The following ARNT2 variants were observed in gnomAD, a reference collection of about 807,000 sequenced individuals.
The protein encoded by ARNT2 is aryl hydrocarbon receptor nuclear translocator 2.
A neutral mutation model predicts 91.7 loss-of-function variants in ARNT2; 36 were observed. The observed-to-expected ratio is 0.39, with a 90% confidence interval of 0.30 to 0.52. The LOEUF is 0.52. ARNT2 is among the 20% of genes least tolerant of loss of function. The pLI is 0.72. For missense variants in ARNT2, 775 were observed against 939.3 expected (o/e 0.83, Z 2.29); for synonymous variants, 365 against 347.1 (o/e 1.05, Z -0.57).
intron 12 of ARNT2, among the ~76,000 whole-genome samples, chr15:80,566,406 A>G (rs1219209642): frequency 6.6e-6 from 1 of 152,092 alleles, no homozygotes; most frequent in Non-Finnish European, 1.5e-5. Context: ...TCCTCCTTCC[A>G]GGGCCAAACT....
intron 1 of ARNT2, among the ~76,000 whole-genome samples, chr15:80,428,929 G>A (rs4778790): frequency 0.48 from 72,578 of 151,950 alleles, 17,997 homozygotes; most frequent in Non-Finnish European, 0.57. Flanking sequence ...AAAGATATAC[G>A]ATCGATCTGA....
At chr15:80,456,890 C>T (rs184238823) in intron 2 of ARNT2, among the ~76,000 whole-genome samples, 40 of 151,344 alleles carry the variant, frequency 2.6e-4, no homozygotes, top group African/African-American at 9.4e-4. Flanking sequence ...GGCAGGCTGG[C>T]CTTCCTTCTC....
chr15:80,501,665 C>T (rs1247478945), intron 5 of ARNT2, among the ~76,000 whole-genome samples: 4 of 152,212 alleles, frequency 2.6e-5, no homozygotes, highest in Admixed American at 2.6e-4. Flanking sequence ...GGAGACCCTC[C>T]CTGCCTGCGG....
intron 1 of ARNT2, among the ~76,000 whole-genome samples, chr15:80,448,909 C>G (rs967045795): frequency 6.6e-6 from 1 of 152,096 alleles, no homozygotes; most frequent in Non-Finnish European, 1.5e-5. Context: ...GGCGTGAACC[C>G]GGGAGGTGGA....
intron 1 of ARNT2, among the ~76,000 whole-genome samples, chr15:80,421,389 A>G (rs1895858560): frequency 8.3e-6 from 1 of 120,816 alleles, no homozygotes; most frequent in South Asian, 3.5e-4. Context: ...CCCTAAAGCT[A>G]TTGAAATAGA....
intron 5 of ARNT2, among the ~76,000 whole-genome samples, chr15:80,493,421 G>A (rs150776359): frequency 2.1e-3 from 314 of 152,306 alleles, no homozygotes; most frequent in African/African-American, 7.3e-3. Flanking sequence ...AGCTGCAGCC[G>A]AGGCAGCCCT....
chr15:80,556,295 A>G (rs1330640691), intron 11 of ARNT2: 1 of 152,166 alleles, frequency 6.6e-6, no homozygotes, highest in Admixed American at 6.5e-5. Flanking sequence ...ATAAATAAAG[A>G]AAGAAAAATA....
intron 8 of ARNT2, among the ~76,000 whole-genome samples, chr15:80,514,889 A>AAAAC (rs1042629900): frequency 2.6e-5 from 4 of 152,186 alleles, no homozygotes; most frequent in African/African-American, 4.8e-5. Context: ...CCATCTCAAA[A>AAAAC]AAACAAACAA....
intron 1 of ARNT2, among the ~76,000 whole-genome samples, chr15:80,439,243 A>T (rs1443463760): frequency 6.6e-6 from 1 of 152,210 alleles, no homozygotes; most frequent in Non-Finnish European, 1.5e-5. Context: ...CAATAAGTTC[A>T]TGTGGCATGG....
chr15:80,466,768 A>G (rs1446611107), intron 3 of ARNT2, among the ~76,000 whole-genome samples: 1 of 152,272 alleles, frequency 6.6e-6, no homozygotes. Context: ...TCATTTTGAC[A>G]TTCTGCTGGT....
chr15:80,476,339 C>T (rs983883011), intron 5 of ARNT2, among the ~76,000 whole-genome samples: 61 of 152,198 alleles, frequency 4.0e-4, no homozygotes, highest in African/African-American at 1.3e-3. Context: ...TGGCCCGGTT[C>T]AGCTAGGCAC....
At chr15:80,515,134 G>A (rs780302095) in intron 8 of ARNT2, among the ~76,000 whole-genome samples, 10 of 152,218 alleles carry the variant, frequency 6.6e-5, no homozygotes, top group Non-Finnish European at 1.2e-4. Flanking sequence ...AGAATGTGGA[G>A]CAACTGGAAT....
intron 8 of ARNT2, among the ~76,000 whole-genome samples, chr15:80,524,282 C>G (rs193098177): frequency 6.6e-6 from 1 of 152,168 alleles, no homozygotes; most frequent in African/African-American, 2.4e-5. Flanking sequence ...AAAATGGACA[C>G]TTTATGTACT....
Position 80,451,001 on chromosome 15 carries a change from G to C in ARNT2, c.146+7G>C. 6.2e-7 allele frequency: 1 copy of C among 1,611,410 alleles called. No individual in the cohort carries two copies. Among genetic ancestry groups the C allele is most frequent in the Non-Finnish European group, 8.5e-7 (1 of 1,178,422 alleles). ...GAGGAAAGCGGCGTTCCGGGTAAGCGACCTCAGCGTTTCCAGGAATTGGCT... is the reference window on the plus strand; with the variant it reads ...GAGGAAAGCGGCGTTCCGGGTAAGCCACCTCAGCGTTTCCAGGAATTGGCT... On this transcript the variant is annotated splice_region_variant and intron_variant, in intron 2 of 18. Coordinates refer to ENST00000303329, the MANE Select transcript of ARNT2 (RefSeq NM_014862.4).
At chr15:80,444,090 G>T (rs1418501065) in intron 1 of ARNT2, among the ~76,000 whole-genome samples, 3 of 152,180 alleles carry the variant, frequency 2.0e-5, no homozygotes, top group African/African-American at 7.2e-5. Flanking sequence ...ATCGAGGTGA[G>T]GGTCCTGTTC....
At chr15:80,497,690 G>A (rs1000223336) in intron 5 of ARNT2, among the ~76,000 whole-genome samples, 2 of 152,232 alleles carry the variant, frequency 1.3e-5, no homozygotes, top group African/African-American at 4.8e-5. Flanking sequence ...CTGTGCTGCA[G>A]GAGAGCTGAG....
At chr15:80,548,778 C>CCTTTTTT (rs1898031607) in intron 8 of ARNT2, among the ~76,000 whole-genome samples, 1 of 152,068 alleles carries the variant, frequency 6.6e-6, no homozygotes, top group Non-Finnish European at 1.5e-5. Context: ...GAGAAAACAT[C>CCTTTTTT]CTTTGTTCTT....
At chr15:80,493,684 C>T (rs1897086585) in intron 5 of ARNT2, among the ~76,000 whole-genome samples, 1 of 152,188 alleles carries the variant, frequency 6.6e-6, no homozygotes, top group Non-Finnish European at 1.5e-5. Context: ...TAGTAGGGAA[C>T]TCTTTCACTT....
At chr15:80,442,817 AT>A (rs1472908753) in intron 1 of ARNT2, 14 of 983,018 alleles carry the variant, frequency 1.4e-5, no homozygotes, top group East Asian at 1.1e-4. Flanking sequence ...TGTCTCTAAA[AT>A]TTTTTTTGCC....
Sources: gnomAD v4.1 joint callset for allele counts (sites outside exome capture counted in the v4.1 genomes callset) on GRCh38, gnomAD v4.1.1 for gene constraint, MANE v1.5 for transcripts, NCBI Gene and HGNC (gene_info 2026-07-23, HGNC 2026-07-21) for gene names.